ITGBL1: variants seen among roughly 807,000 people sequenced by gnomAD.
The protein encoded by ITGBL1 is integrin beta-like protein 1.
Under a neutral mutation model 68.5 loss-of-function variants are expected in ITGBL1, and 51 were observed. That is an observed-to-expected ratio of 0.74 (90% CI 0.59 to 0.94). ITGBL1 has a LOEUF of 0.94. Ranked by LOEUF, ITGBL1 falls within the 40% of genes least tolerant of loss-of-function variation. The pLI is 0.00. For missense variants in ITGBL1, 649 were observed against 647.4 expected (o/e 1.00, Z -0.03); for synonymous variants, 209 against 227.3 (o/e 0.92, Z 0.72).
intron 7 of ITGBL1, among the ~76,000 whole-genome samples, chr13:101,648,727 C>T (rs1207539608): frequency 6.6e-6 from 1 of 151,962 alleles, no homozygotes; most frequent in South Asian, 2.1e-4. Context: ...ACTATCCTAG[C>T]AACAATGTTA....
intron 3 of ITGBL1, among the ~76,000 whole-genome samples, chr13:101,574,896 T>C (rs1249807236): frequency 6.6e-6 from 1 of 152,140 alleles, no homozygotes; most frequent in African/African-American, 2.4e-5. Context: ...TGTATCAGTA[T>C]AAGTTAATGC....
chr13:101,610,069 T>C (rs1193224105), intron 7 of ITGBL1, among the ~76,000 whole-genome samples: 1 of 152,178 alleles, frequency 6.6e-6, no homozygotes, highest in East Asian at 1.9e-4. Flanking sequence ...TAATTCCAAT[T>C]TCTCCAGGCA....
intron 2 of ITGBL1, among the ~76,000 whole-genome samples, chr13:101,525,209 A>G (rs1186266455): frequency 6.6e-6 from 1 of 152,146 alleles, no homozygotes. Flanking sequence ...ATTGTATAGA[A>G]AAATGACTGA....
chr13:101,689,769 A>T (rs1332830854), intron 7 of ITGBL1, among the ~76,000 whole-genome samples: 1 of 152,208 alleles, frequency 6.6e-6, no homozygotes, highest in African/African-American at 2.4e-5. Flanking sequence ...GAGACATGAG[A>T]TGTTTTGATA....
At chr13:101,606,698 T>C (rs1244008747) in intron 7 of ITGBL1, among the ~76,000 whole-genome samples, 2 of 151,980 alleles carry the variant, frequency 1.3e-5, no homozygotes, top group Non-Finnish European at 2.9e-5. Context: ...GCAGGAGGAT[T>C]TGCAGTGCTG....
rs756142546 is a variant in ITGBL1 at position 101,598,229 on chromosome 13, C to T, written c.945C>T (p.Ser315=). The T allele has an allele frequency of 6.2e-7, 1 of 1,613,728 alleles. No homozygotes were observed. Among genetic ancestry groups the T allele is most frequent in the African/African-American group, 1.3e-5 (1 of 74,914 alleles). Residue 315 remains serine (S), a synonymous_variant, in exon 7 of 11, where the codon TCC becomes TCT. Coordinates refer to ENST00000376180, the MANE Select transcript of ITGBL1 (RefSeq NM_004791.3). ...WYGKKCEHPQ[S]CTLSAEESIR... ...GGAAGAAGTGTGAGCACCCACAGTC[C>T]TGCACGCTGTCAGCTGAGGAGAGCA...
chr13:101,680,878 T>C (rs1354444931), intron 7 of ITGBL1, among the ~76,000 whole-genome samples: 1 of 152,204 alleles, frequency 6.6e-6, no homozygotes, highest in East Asian at 1.9e-4. Flanking sequence ...ACATTTTTAA[T>C]TGTACCTGTG....
intron 2 of ITGBL1, among the ~76,000 whole-genome samples, chr13:101,530,725 A>G (rs932541223): frequency 6.6e-6 from 1 of 152,250 alleles, no homozygotes; most frequent in African/African-American, 2.4e-5. Flanking sequence ...AAAAATTAAC[A>G]CACACATTAA....
At chr13:101,679,402 T>C (rs1317379629) in intron 7 of ITGBL1, among the ~76,000 whole-genome samples, 1 of 152,206 alleles carries the variant, frequency 6.6e-6, no homozygotes, top group Non-Finnish European at 1.5e-5. Context: ...GATCAGCCAG[T>C]ATTTCATAGG....
At chr13:101,675,455 G>C (rs940050474) in intron 7 of ITGBL1, among the ~76,000 whole-genome samples, 1 of 152,022 alleles carries the variant, frequency 6.6e-6, no homozygotes, top group Admixed American at 6.6e-5. Flanking sequence ...ATTTAAGTAA[G>C]GTTGATTTCT....
chr13:101,587,851 G>T (rs929630226), intron 6 of ITGBL1, among the ~76,000 whole-genome samples: 1 of 152,138 alleles, frequency 6.6e-6, no homozygotes, highest in Non-Finnish European at 1.5e-5. Context: ...AAAAAAAATA[G>T]CAAGTACTAC....
chr13:101,694,622 A>C (rs1254382561), intron 8 of ITGBL1, among the ~76,000 whole-genome samples: 2 of 151,974 alleles, frequency 1.3e-5, no homozygotes, highest in African/African-American at 4.8e-5. Flanking sequence ...GGGTCTCACT[A>C]AGTGGCCCAG....
intron 7 of ITGBL1, among the ~76,000 whole-genome samples, chr13:101,606,034 AT>A (rs1279154136): frequency 1.4e-5 from 2 of 146,580 alleles, no homozygotes; most frequent in Admixed American, 1.4e-4. Context: ...TATATAGCAT[AT>A]ATATGATATA....
chr13:101,476,023 T>C (rs767768601), intron 2 of ITGBL1, among the ~76,000 whole-genome samples: 92 of 152,214 alleles, frequency 6.0e-4, no homozygotes, highest in Non-Finnish European at 1.1e-3. Flanking sequence ...AACTCTCTGG[T>C]AATAGTAAGT....
At chr13:101,499,311 G>T (rs1417568057) in intron 2 of ITGBL1, among the ~76,000 whole-genome samples, 3 of 152,134 alleles carry the variant, frequency 2.0e-5, no homozygotes, top group Non-Finnish European at 4.4e-5. Flanking sequence ...GGATATTTCT[G>T]CTTTGGCTTC....
chr13:101,611,104 C>T (rs561249302), intron 7 of ITGBL1, among the ~76,000 whole-genome samples: 23 of 152,160 alleles, frequency 1.5e-4, no homozygotes, highest in African/African-American at 5.3e-4. Flanking sequence ...ATATGTCTCT[C>T]CCTCCCACCT....
intron 8 of ITGBL1, chr13:101,692,909 C>G (rs138747181): frequency 3.8e-6 from 2 of 520,008 alleles, no homozygotes; most frequent in Non-Finnish European, 6.9e-6. Flanking sequence ...TGTGAAAGTA[C>G]GCAGTACACT....
intron 2 of ITGBL1, among the ~76,000 whole-genome samples, chr13:101,544,732 C>T (rs1174580616): frequency 6.6e-6 from 1 of 152,184 alleles, no homozygotes; most frequent in Non-Finnish European, 1.5e-5. Context: ...GCTTTGTTTA[C>T]CTTCTCAAGC....
At chr13:101,682,819 T>C (rs2033674314) in intron 7 of ITGBL1, among the ~76,000 whole-genome samples, 1 of 152,074 alleles carries the variant, frequency 6.6e-6, no homozygotes. Flanking sequence ...TATTTTATGG[T>C]CAAATTTATT....
Sources: gnomAD v4.1 joint callset for allele counts (sites outside exome capture counted in the v4.1 genomes callset) on GRCh38, gnomAD v4.1.1 for gene constraint, MANE v1.5 for transcripts, NCBI Gene and HGNC (gene_info 2026-07-23, HGNC 2026-07-21) for gene names.